The following KHDRBS2 variants were observed in gnomAD, a reference collection of about 807,000 sequenced individuals.
KHDRBS2 encodes the protein KH RNA binding domain containing, signal transduction associated 2, also known as KH domain-containing, RNA-binding, signal transduction-associated protein 2.
Under a neutral mutation model 44.3 loss-of-function variants are expected in KHDRBS2, and 26 were observed. The ratio of observed to expected loss-of-function variants is 0.59; its 90% CI spans 0.43 to 0.81. The LOEUF is 0.81. Among genes scored for constraint, KHDRBS2 ranks in the 40% least tolerant of loss-of-function variants. The probability of loss-of-function intolerance (pLI) is 0.00; values close to 1 mark genes in which losing one functional copy is unlikely to be tolerated. For missense variants in KHDRBS2, 476 were observed against 433.1 expected, an observed-to-expected ratio of 1.10 and a Z score of -0.88; for synonymous variants, 194 against 151.1, an observed-to-expected ratio of 1.28 and a Z score of -2.08.
At chr6:61,757,439 A>T (rs1001868452) in intron 6 of KHDRBS2, among the ~76,000 whole-genome samples, 2 of 152,064 alleles carry the variant, frequency 1.3e-5, no homozygotes, top group Non-Finnish European at 2.9e-5. Flanking sequence ...ACTTTTTTGC[A>T]TCCTTTATAA....
At chr6:62,273,757 A>G (rs894023888) in intron 1 of KHDRBS2, among the ~76,000 whole-genome samples, 1 of 152,072 alleles carries the variant, frequency 6.6e-6, no homozygotes, top group Non-Finnish European at 1.5e-5. Context: ...TTACTTGAAC[A>G]CTTCACAGTC....
At chr6:61,637,525 T>G in the KHDRBS2 span, among the ~76,000 whole-genome samples, 1 of 152,160 alleles carries the variant, frequency 6.6e-6, no homozygotes, top group Admixed American at 6.6e-5. Context: ...GCAGCATGAT[T>G]TATAGTCCTT....
chr6:61,917,928 A>G (rs1231058857), intron 4 of KHDRBS2, among the ~76,000 whole-genome samples: 1 of 152,038 alleles, frequency 6.6e-6, no homozygotes, highest in Non-Finnish European at 1.5e-5. Context: ...TTGCTAAATA[A>G]GTACTTTCTC....
chr6:62,085,185 T>G (rs1425661642), intron 2 of KHDRBS2, among the ~76,000 whole-genome samples: 1 of 152,110 alleles, frequency 6.6e-6, no homozygotes, highest in Non-Finnish European at 1.5e-5. Flanking sequence ...TAAGAAATAT[T>G]TACATTATTT....
intron 1 of KHDRBS2, among the ~76,000 whole-genome samples, chr6:62,248,093 T>C (rs2150172532): frequency 6.6e-6 from 1 of 152,080 alleles, no homozygotes; most frequent in East Asian, 1.9e-4. Flanking sequence ...CTAGAGTTGT[T>C]AGCTCCACTT....
chr6:61,655,232 A>G, the KHDRBS2 span, among the ~76,000 whole-genome samples: 41 of 141,320 alleles, frequency 2.9e-4, no homozygotes, highest in African/African-American at 1.0e-3. Flanking sequence ...ACATACACAC[A>G]CACACACACA....
At chr6:61,660,978 A>G in the KHDRBS2 span, among the ~76,000 whole-genome samples, 1 of 151,908 alleles carries the variant, frequency 6.6e-6, no homozygotes, top group South Asian at 2.1e-4. Context: ...TTAGTTGATT[A>G]TTGCTTTTGT....
intron 6 of KHDRBS2, among the ~76,000 whole-genome samples, chr6:61,818,264 A>AG (rs1173845554): frequency 8.2e-6 from 1 of 122,022 alleles, no homozygotes; most frequent in African/African-American, 3.4e-5. Context: ...AACCTCTGTA[A>AG]GTAAAAAAAA....
At chr6:62,050,441 AG>A (rs1303855446) in intron 2 of KHDRBS2, among the ~76,000 whole-genome samples, 1 of 133,022 alleles carries the variant, frequency 7.5e-6, no homozygotes, top group East Asian at 2.3e-4. Flanking sequence ...AAAAAAAAAA[AG>A]GGGGTGAGAA....
At chr6:62,046,673 A>AG (rs569065819) in intron 3 of KHDRBS2, among the ~76,000 whole-genome samples, 94 of 152,062 alleles carry the variant, frequency 6.2e-4, no homozygotes, top group African/African-American at 2.2e-3. Context: ...AACTTGTGGC[A>AG]GGACAAAAGC....
chr6:62,141,761 T>G (rs1288174560), intron 2 of KHDRBS2, among the ~76,000 whole-genome samples: 1 of 152,056 alleles, frequency 6.6e-6, no homozygotes, highest in Admixed American at 6.6e-5. Context: ...ATGAAAAGGG[T>G]AAGTGGATTT....
chr6:61,581,671 T>G, the KHDRBS2 span, among the ~76,000 whole-genome samples: 1 of 149,350 alleles, frequency 6.7e-6, no homozygotes, highest in African/African-American at 2.4e-5. Context: ...AACTATAGTA[T>G]TATAAGGAAA....
At chr6:61,801,122 A>T (rs571768997) in intron 6 of KHDRBS2, among the ~76,000 whole-genome samples, 42 of 152,334 alleles carry the variant, frequency 2.8e-4, no homozygotes, top group Admixed American at 3.9e-4. Flanking sequence ...ATTACACTAC[A>T]TCAATAGTTT....
intron 2 of KHDRBS2, among the ~76,000 whole-genome samples, chr6:62,114,209 C>G (rs1304217307): frequency 6.6e-6 from 1 of 152,040 alleles, no homozygotes; most frequent in Non-Finnish European, 1.5e-5. Context: ...TTGGGTGGGA[C>G]ACAGCCAAAC....
At chr6:61,916,791 T>A (rs1301687983) in intron 4 of KHDRBS2, among the ~76,000 whole-genome samples, 1 of 151,690 alleles carries the variant, frequency 6.6e-6, no homozygotes, top group Non-Finnish European at 1.5e-5. Flanking sequence ...TGGTATTAGG[T>A]CAGACAAATA....
intron 4 of KHDRBS2, among the ~76,000 whole-genome samples, chr6:61,940,251 A>G (rs1355830327): frequency 6.6e-6 from 1 of 152,184 alleles, no homozygotes; most frequent in South Asian, 2.1e-4. Flanking sequence ...TCAAAAAAAA[A>G]AAAGAATATA....
At chr6:61,987,320 C>T (rs1261074087) in intron 3 of KHDRBS2, among the ~76,000 whole-genome samples, 1 of 151,976 alleles carries the variant, frequency 6.6e-6, no homozygotes, top group Non-Finnish European at 1.5e-5. Flanking sequence ...TTCTAAAATC[C>T]CAATTAATTT....
the KHDRBS2 span, among the ~76,000 whole-genome samples, chr6:61,637,346 C>T: frequency 6.6e-6 from 1 of 152,072 alleles, no homozygotes; most frequent in Non-Finnish European, 1.5e-5. Context: ...ATCCATGTCC[C>T]TACAAAGGAC....
intron 7 of KHDRBS2, among the ~76,000 whole-genome samples, chr6:61,723,916 C>T (rs1773121683): frequency 6.6e-6 from 1 of 152,084 alleles, no homozygotes; most frequent in South Asian, 2.1e-4. Context: ...AAGAACTTCC[C>T]CAACCTAGCA....
Sources: gnomAD v4.1 joint callset for allele counts (sites outside exome capture counted in the v4.1 genomes callset) on GRCh38, gnomAD v4.1.1 for gene constraint, MANE v1.5 for transcripts, NCBI Gene and HGNC (gene_info 2026-07-23, HGNC 2026-07-21) for gene names.